The following LEKR1 variants were observed in gnomAD, a reference collection of about 807,000 sequenced individuals.
LEKR1 encodes protein LEKR1.
A neutral mutation model predicts 72.4 loss-of-function variants in LEKR1; 59 were observed. The ratio of observed to expected loss-of-function variants is 0.82; its 90% CI spans 0.66 to 1.01. The LOEUF is 1.01. Among genes scored for constraint, LEKR1 ranks in the 50% least tolerant of loss-of-function variants. LEKR1 has a pLI of 0.00. For synonymous variants in LEKR1, 257 were observed against 263.2 expected (o/e 0.98, Z 0.23); for missense variants, 728 against 759.2 (o/e 0.96, Z 0.48).
rs965877477 is a variant in LEKR1, at chr3:156,992,978, A to G, written c.906-96A>G. The G allele has an allele frequency of 1.3e-5, 8 of 630,418 alleles. No individual in the cohort carries two copies. The African/African-American group carries it at 1.5e-4, about 12-fold the overall frequency. 39.1% of individuals were successfully genotyped at this position (630,418 alleles called of 1,614,324 possible). ...TTAATTTTTTAAAGTTACAGTTATA[A>G]TCTATAATTTCAAATGAGCTCTTGA... On this transcript the variant is annotated intron_variant, in intron 8 of 12. Coordinates refer to ENST00000356539, the MANE Select transcript of LEKR1 (RefSeq NM_001004316.3).
At chr3:156,920,462 G>A (rs1034108111) in intron 3 of LEKR1, 113 bp from the exon 4 acceptor site, 1 of 662,324 alleles carries the variant, frequency 1.5e-6, no homozygotes, top group African/African-American at 1.9e-5. Flanking sequence ...GCATATATAA[G>A]AGACATAGTT....
chr3:156,959,894 T>A (rs1727961416), intron 6 of LEKR1, among the ~76,000 whole-genome samples: 1 of 152,188 alleles, frequency 6.6e-6, no homozygotes, highest in Non-Finnish European at 1.5e-5. Flanking sequence ...ATAAACTTTA[T>A]CTTTCTTCAT....
At chr3:156,901,620 T>TGA (rs1722043974) in intron 3 of LEKR1, among the ~76,000 whole-genome samples, 1 of 152,232 alleles carries the variant, frequency 6.6e-6, no homozygotes, top group East Asian at 1.9e-4. Flanking sequence ...TTCCTCGTAC[T>TGA]GAACCAGTTG....
rs1560064936 is a variant in LEKR1, at chr3:156,899,699, CACGCA to C, written c.264-20875_264-20871del. ...ATACACGCATATATACACATATATA[CACGCA>C]TATATACACATATATACATGCATAT... is the stretch of plus-strand genomic sequence containing the variant. On this transcript the variant is annotated intron_variant, in intron 3 of 12. Coordinates refer to ENST00000356539, the MANE Select transcript of LEKR1 (RefSeq NM_001004316.3). Among the ~76,000 whole-genome samples, 35 of 142,946 alleles carry C rather than the reference CACGCA, an allele frequency of 2.4e-4. 4 individuals carry two copies. The highest frequency in any genetic ancestry group is 9.0e-4 in the African/African-American group (35 of 38,794). The allele number at this position is 142,946 out of a possible 152,430, so 93.8% of individuals were successfully genotyped here. A position where few individuals can be genotyped will look rare whatever the true frequency, so the allele number is the denominator to read the frequency against.
In LEKR1 at chr3:156,962,147, G is replaced by C. The variant is rs114442789; in HGVS notation, c.746-17047G>C. ...TCAGGAGTCATCCGTCTGTATGGCA[G>C]ATAGAGATCTATGAACACAGATCCA... On this transcript the variant is annotated intron_variant, in intron 6 of 12. Transcript: ENST00000356539. Among the ~76,000 whole-genome samples, 1,226 of 152,318 alleles carry C rather than the reference G, an allele frequency of 8.0e-3. 6 individuals are homozygous for C. The highest frequency in any genetic ancestry group is 0.013 in the Non-Finnish European group (889 of 68,024).
At position 157,028,422 on chromosome 3, in the gene LEKR1, A is replaced by G; in HGVS notation, c.1668+20A>G. 2 of 1,549,498 alleles carry G rather than the reference A, an allele frequency of 1.3e-6. No individual in the cohort carries two copies. The highest frequency in any genetic ancestry group is 1.7e-6 in the Non-Finnish European group (2 of 1,150,040). On this transcript the variant is annotated intron_variant, in intron 12 of 12. Transcript: ENST00000356539. ...GAAGAGGTAGGAAGCAGATAGTGGT[A>G]ACTTTGCAATTAATCAAAGAGCACA...
At chr3:156,982,643 A>G (rs139846021) in intron 7 of LEKR1, among the ~76,000 whole-genome samples, 246 of 152,342 alleles carry the variant, frequency 1.6e-3, no homozygotes, top group African/African-American at 5.7e-3. Context: ...CTAAAGAGGT[A>G]GAGCTTTAAT....
chr3:156,864,531 C>T (rs557778764), intron 3 of LEKR1, among the ~76,000 whole-genome samples: 4 of 152,114 alleles, frequency 2.6e-5, no homozygotes, highest in African/African-American at 7.2e-5. Flanking sequence ...TCTTAGCTCC[C>T]CCTTTTCTTG....
At chr3:156,846,972 C>T (rs912957896) in intron 2 of LEKR1, among the ~76,000 whole-genome samples, 1 of 152,064 alleles carries the variant, frequency 6.6e-6, no homozygotes, top group Admixed American at 6.6e-5. Flanking sequence ...ACCACCACGC[C>T]TGGCTAATTT....
At chr3:156,988,644 C>A in intron 7 of LEKR1, 1 of 237,222 alleles carries the variant, frequency 4.2e-6, no homozygotes. Context: ...GAACCAGTCC[C>A]TCCACCAATG....
chr3:156,942,306 C>A (rs1726281686), intron 5 of LEKR1, among the ~76,000 whole-genome samples: 1 of 151,872 alleles, frequency 6.6e-6, no homozygotes, highest in Admixed American at 6.6e-5. Context: ...AAAAAAAATA[C>A]TGTTAAAAGA....
intron 10 of LEKR1, among the ~76,000 whole-genome samples, chr3:157,022,328 AAAG>A (rs574083529): frequency 7.4e-4 from 112 of 152,320 alleles, no homozygotes; most frequent in Non-Finnish European, 1.4e-3. Context: ...TATAGTTTGT[AAAG>A]AATACTGTGC....
intron 3 of LEKR1, among the ~76,000 whole-genome samples, chr3:156,892,110 C>T (rs1229221543): frequency 6.6e-6 from 1 of 151,754 alleles, no homozygotes; most frequent in African/African-American, 2.4e-5. Context: ...GAATTCAGGC[C>T]TGAAGTCAGG....
At chr3:156,908,839 C>A (rs1010849661) in intron 3 of LEKR1, among the ~76,000 whole-genome samples, 1 of 152,066 alleles carries the variant, frequency 6.6e-6, no homozygotes, top group Non-Finnish European at 1.5e-5. Context: ...ATTATTTGTT[C>A]TTTAATAAAT....
chr3:156,866,798 T>G (rs1717360021), intron 3 of LEKR1, among the ~76,000 whole-genome samples: 1 of 151,860 alleles, frequency 6.6e-6, no homozygotes, highest in Admixed American at 6.6e-5. Flanking sequence ...CAGCAACCAG[T>G]AGATTATAAA....
At chr3:156,930,727 A>G (rs1725153393) in intron 5 of LEKR1, among the ~76,000 whole-genome samples, 1 of 152,140 alleles carries the variant, frequency 6.6e-6, no homozygotes, top group Non-Finnish European at 1.5e-5. Context: ...ATCAACAAAG[A>G]TGAATAGAAC....
intron 6 of LEKR1, among the ~76,000 whole-genome samples, chr3:156,966,350 G>T (rs1013974342): frequency 1.8e-4 from 28 of 152,200 alleles, no homozygotes; most frequent in African/African-American, 6.5e-4. Context: ...CCCGGGAAGT[G>T]CAAGGAGTCA....
At chr3:156,936,468 C>CACAA (rs1725725939) in intron 5 of LEKR1, among the ~76,000 whole-genome samples, 1 of 26,544 alleles carries the variant, frequency 3.8e-5, no homozygotes, top group African/African-American at 6.0e-5. Flanking sequence ...CACACACACC[C>CACAA]CCCGTATGCC....
At chr3:156,970,610 A>G (rs1007196348) in intron 6 of LEKR1, among the ~76,000 whole-genome samples, 4 of 152,156 alleles carry the variant, frequency 2.6e-5, no homozygotes, top group African/African-American at 7.2e-5. Flanking sequence ...TCTCAGCCCA[A>G]AATCTCCTTA....
Sources: gnomAD v4.1 joint callset for allele counts (sites outside exome capture counted in the v4.1 genomes callset) on GRCh38, gnomAD v4.1.1 for gene constraint, MANE v1.5 for transcripts, NCBI Gene and HGNC (gene_info 2026-07-23, HGNC 2026-07-21) for gene names.